WT1: variants seen among roughly 807,000 people sequenced by gnomAD.
WT1 encodes the protein Wilms tumor protein.
In WT1, 8 loss-of-function variants were observed where a neutral mutation model predicts 60.8. The observed-to-expected ratio is 0.13, with a 90% confidence interval of 0.08 to 0.24. The LOEUF is 0.24. Among genes scored for constraint, WT1 ranks in the 10% least tolerant of loss-of-function variants. WT1 has a pLI of 1.00. For missense variants in WT1, 568 were observed against 711.8 expected (o/e 0.80, Z 2.30); for synonymous variants, 312 against 297.1 (o/e 1.05, Z -0.52).
At position 32,401,537 on chromosome 11, in the gene WT1, A is replaced by G. The variant is rs568419901; in HGVS notation, c.1017-1493T>C. Among the ~76,000 whole-genome samples the G allele has an allele frequency of 4.6e-5, 7 of 151,900 alleles. 1 individual carries two copies. The South Asian group carries it at 1.5e-3, about 32-fold the overall frequency. On this transcript the variant is annotated intron_variant, in intron 5 of 9. Transcript: ENST00000452863. ...GGGTGTGGTCCGAGAAGGATGCATC[A>G]GTATATTTATTTATTTATTTTGAGA...
intron 5 of WT1, among the ~76,000 whole-genome samples, chr11:32,406,896 C>T (rs1168045394): frequency 1.3e-5 from 2 of 151,828 alleles, no homozygotes; most frequent in African/African-American, 4.8e-5. Context: ...GTCAGGAGTT[C>T]GAGACCAGCC....
At chr11:32,434,429 G>A (rs1164788335) in intron 1 of WT1, among the ~76,000 whole-genome samples, 1 of 152,216 alleles carries the variant, frequency 6.6e-6, no homozygotes, top group Non-Finnish European at 1.5e-5. Context: ...GAATCTCTCG[G>A]ACTCTAAGGG....
rs111366475 is a variant in WT1, at chr11:32,420,442, C to G, written c.888-2788G>C. On this transcript the variant is annotated intron_variant, in intron 3 of 9. Coordinates refer to ENST00000452863, the MANE Select transcript of WT1 (RefSeq NM_024426.6). ...CCTCAATGGCCCTTTGAAGATGATACAGATAATATACTTTAATTACTTTAA... is the reference window on the plus strand; with the variant it reads ...CCTCAATGGCCCTTTGAAGATGATAGAGATAATATACTTTAATTACTTTAA... Among the ~76,000 whole-genome samples, 2 of 152,308 alleles carry G rather than the reference C, an allele frequency of 1.3e-5. 1 individual carries two copies. The highest frequency in any genetic ancestry group is 4.1e-4 in the South Asian group (2 of 4,824).
chr11:32,421,836 T>C (rs1159476181), intron 3 of WT1, among the ~76,000 whole-genome samples: 1 of 152,244 alleles, frequency 6.6e-6, no homozygotes, highest in Admixed American at 6.5e-5. Context: ...GCAGAATAAT[T>C]TGTGTCATCA....
rs1405573957 is a variant in WT1 at position 32,426,090 on chromosome 11, G to A, written c.887+1866C>T. On this transcript the variant is annotated intron_variant, in intron 3 of 9. Transcript: ENST00000452863. ...CCTAGGGTCCCACAGGGTGAGTCTC[G>A]GCTTGGGAGAGGGAAGTAACGGATG... Among the ~76,000 whole-genome samples the A allele has an allele frequency of 4.6e-5, 7 of 152,234 alleles. 1 individual carries two copies. The South Asian group carries it at 1.5e-3, about 32-fold the overall frequency.
In WT1 at chr11:32,397,123, G is replaced by A. The variant is rs544333809; in HGVS notation, c.1114-716C>T. On this transcript the variant is annotated intron_variant, in intron 6 of 9. Coordinates refer to ENST00000452863, the MANE Select transcript of WT1 (RefSeq NM_024426.6). The stretch of plus-strand genomic sequence containing the variant: ...TATCTTGTGGAAGTGCAGTGTGTGT[G>A]TTGTCAGTCTTCCAAGAATAAGAAC... 7.2e-5 allele frequency among the ~76,000 whole-genome samples: 11 copies of A among 152,334 alleles called. 1 individual carries two copies. The South Asian group carries it at 2.3e-3, about 32-fold the overall frequency.
chr11:32,404,715 C>G (rs1564979148), intron 5 of WT1, among the ~76,000 whole-genome samples: 1 of 152,206 alleles, frequency 6.6e-6, no homozygotes, highest in African/African-American at 2.4e-5. Context: ...TATCAAATAT[C>G]TTTTGCAATG....
chr11:32,428,408 C>A, intron 2 of WT1, 89 bp downstream of exon 2: 1 of 1,599,634 alleles, frequency 6.3e-7, no homozygotes, highest in Non-Finnish European at 8.5e-7. Context: ...CCTCCTTTGC[C>A]TAATTTGCTG....
At chr11:32,425,294 C>G (rs2133062731) in intron 3 of WT1, among the ~76,000 whole-genome samples, 1 of 151,378 alleles carries the variant, frequency 6.6e-6, no homozygotes, top group Admixed American at 6.6e-5. Context: ...AAAATACAAG[C>G]AAGCTTTCCC....
chr11:32,421,495 T>A (rs1460832558), intron 3 of WT1, among the ~76,000 whole-genome samples: 3 of 152,224 alleles, frequency 2.0e-5, no homozygotes, highest in African/African-American at 7.2e-5. Flanking sequence ...AGTAGATTTT[T>A]TTTAAAGTCA....
At chr11:32,426,318 G>C (rs5030185) in intron 3 of WT1, among the ~76,000 whole-genome samples, 3 of 152,088 alleles carry the variant, frequency 2.0e-5, no homozygotes, top group African/African-American at 7.3e-5. Flanking sequence ...CCAACAGCCC[G>C]CCTGATGGCT....
At chr11:32,432,226 TAGGGATCC>T (rs1160303696) in intron 1 of WT1, among the ~76,000 whole-genome samples, 6 of 152,210 alleles carry the variant, frequency 3.9e-5, no homozygotes, top group African/African-American at 1.2e-4. Flanking sequence ...TAGACTGCCC[TAGGGATCC>T]AGAGACGGCC....
chr11:32,428,655 G>A, intron 1 of WT1, 36 bp from the exon 2 acceptor site: 2 of 1,605,382 alleles, frequency 1.2e-6, no homozygotes, highest in Non-Finnish European at 1.7e-6. Flanking sequence ...AGTGTCAGCG[G>A]TGCTCTCGCA....
chr11:32,431,188 G>A (rs1313455151), intron 1 of WT1, among the ~76,000 whole-genome samples: 1 of 152,220 alleles, frequency 6.6e-6, no homozygotes, highest in African/African-American at 2.4e-5. Flanking sequence ...GAAATGGACA[G>A]CAGGCTCAGC....
In WT1 at chr11:32,389,040, G is replaced by T. The variant is rs2132896602; in HGVS notation, c.*18C>A. ...ACTGTGCTGCCTGGGACACTGAACG[G>T]TCCCCGAGGGAGACCCCTCAAAGCG... On this transcript the variant is annotated 3_prime_UTR_variant, in exon 10 of 10. Transcript: ENST00000452863. 6.2e-7 allele frequency: 1 copy of T among 1,614,172 alleles called. No homozygotes were observed. Among genetic ancestry groups the T allele is most frequent in the Non-Finnish European group, 8.5e-7 (1 of 1,179,998 alleles).
chr11:32,400,827 C>G (rs1004193803), intron 5 of WT1, among the ~76,000 whole-genome samples: 2 of 152,220 alleles, frequency 1.3e-5, no homozygotes, highest in African/African-American at 4.8e-5. Context: ...TGAGATGAGG[C>G]AGACTGAGGT....
At chr11:32,415,285 A>G (rs1382769171) in intron 5 of WT1, among the ~76,000 whole-genome samples, 1 of 152,194 alleles carries the variant, frequency 6.6e-6, no homozygotes, top group African/African-American at 2.4e-5. Flanking sequence ...GGAGAGGAGA[A>G]AGGAGAAAAG....
chr11:32,431,473 G>T (rs746875186), intron 1 of WT1, among the ~76,000 whole-genome samples: 40 of 141,776 alleles, frequency 2.8e-4, no homozygotes, highest in Non-Finnish European at 4.2e-4. Flanking sequence ...GTTTCGCTCT[G>T]TCGCCCAGGC....
At chr11:32,432,648 A>G (rs943475883) in intron 1 of WT1, among the ~76,000 whole-genome samples, 8 of 152,092 alleles carry the variant, frequency 5.3e-5, no homozygotes, top group Non-Finnish European at 8.8e-5. Context: ...GTCCCCTTTT[A>G]ACTTTTTCTC....
Sources: allele counts gnomAD v4.1 joint callset (sites outside exome capture counted in the v4.1 genomes callset), GRCh38; gene constraint gnomAD v4.1.1; transcripts MANE v1.5; gene names NCBI Gene and HGNC (gene_info 2026-07-23, HGNC 2026-07-21).